The following SRPK2 variants were observed in gnomAD, a reference collection of about 807,000 sequenced individuals.
The protein encoded by SRPK2 is SFRS protein kinase 2.
Under a neutral mutation model 90.8 loss-of-function variants are expected in SRPK2, and 21 were observed. That is an observed-to-expected ratio of 0.23 (90% CI 0.16 to 0.33). The LOEUF is 0.33. Among genes scored for constraint, SRPK2 ranks in the 10% least tolerant of loss-of-function variants. SRPK2 has a pLI of 1.00. For synonymous variants in SRPK2, 288 were observed against 311.1 expected (o/e 0.93, Z 0.78); for missense variants, 620 against 869.0 (o/e 0.71, Z 3.60).
intron 2 of SRPK2, among the ~76,000 whole-genome samples, chr7:105,355,460 C>T (rs1037716807): frequency 6.6e-6 from 1 of 151,964 alleles, no homozygotes; most frequent in African/African-American, 2.4e-5. Context: ...GCCTGGGCAA[C>T]ATTACAAGAC....
At chr7:105,325,956 G>A (rs962196916) in intron 2 of SRPK2, among the ~76,000 whole-genome samples, 2 of 152,224 alleles carry the variant, frequency 1.3e-5, no homozygotes, top group African/African-American at 4.8e-5. Context: ...GGAAAAACAA[G>A]GCAATGCTGA....
intron 3 of SRPK2, among the ~76,000 whole-genome samples, chr7:105,202,324 T>C (rs1795667225): frequency 6.6e-6 from 1 of 152,246 alleles, no homozygotes; most frequent in Non-Finnish European, 1.5e-5. Context: ...CCAAAATTCA[T>C]TAATGCTTTA....
chr7:105,241,286 A>T (rs1297243317), intron 2 of SRPK2, among the ~76,000 whole-genome samples: 10 of 152,258 alleles, frequency 6.6e-5, no homozygotes, highest in African/African-American at 1.9e-4. Context: ...TATGTACATT[A>T]TTTCAGTTAA....
chr7:105,174,073 T>C (rs1370375503), intron 3 of SRPK2, among the ~76,000 whole-genome samples: 1 of 139,476 alleles, frequency 7.2e-6, no homozygotes, highest in East Asian at 2.0e-4. Flanking sequence ...AGTGAGACCC[T>C]GTCTCTAATA....
At chr7:105,267,544 C>T (rs1278054484) in intron 2 of SRPK2, among the ~76,000 whole-genome samples, 2 of 152,128 alleles carry the variant, frequency 1.3e-5, no homozygotes, top group African/African-American at 2.4e-5. Flanking sequence ...AAGTTAGAAG[C>T]CACACAAAAA....
chr7:105,198,589 C>T (rs900453457), intron 3 of SRPK2, among the ~76,000 whole-genome samples: 15 of 152,048 alleles, frequency 9.9e-5, no homozygotes, highest in East Asian at 5.8e-4. Context: ...ACATGAGACA[C>T]GGTCAGGGAG....
intron 7 of SRPK2, among the ~76,000 whole-genome samples, chr7:105,147,238 T>C (rs1360712050): frequency 6.6e-6 from 1 of 152,192 alleles, no homozygotes; most frequent in Admixed American, 6.5e-5. Context: ...AATTCATGTA[T>C]CATACAATTG....
chr7:105,322,396 G>A lies in SRPK2; in HGVS notation c.71+66252C>T, dbSNP rs60002853. ...CGTGACACGGCACTTCAGCCTGGGC[G>A]ACAGAGTGAGACTTGAATGTTGATC... On this transcript the variant is annotated intron_variant, in intron 2 of 15. Coordinates refer to ENST00000393651, the MANE Select transcript of SRPK2 (RefSeq NM_182692.3). 1.6e-4 allele frequency among the ~76,000 whole-genome samples: 24 copies of A among 152,258 alleles called. No individual in the cohort carries two copies. In the East Asian group the frequency reaches 4.0e-3, roughly 26 times the overall value.
chr7:105,312,121 G>C lies in SRPK2; in HGVS notation c.71+76527C>G, dbSNP rs140345361. The stretch of plus-strand genomic sequence containing the variant: ...AATGTACATGAACAAATAATTTCAA[G>C]ATGAAGTACTGATATATGCTACAAA... On this transcript the variant is annotated intron_variant, in intron 2 of 15. Transcript: ENST00000393651. 5.9e-5 allele frequency among the ~76,000 whole-genome samples: 9 copies of C among 152,260 alleles called. No individual in the cohort carries two copies. The East Asian group carries it at 1.7e-3, about 29-fold the overall frequency.
chr7:105,160,492 C>T lies in SRPK2; in HGVS notation c.621+15G>A, dbSNP rs4730071. Reference sequence around the variant, plus strand: ...TTAGGTACTAGGGCCTAGGGGCTGCCGTCAAAAGTCTCACCTGTCGAATGA... The same window carrying T: ...TTAGGTACTAGGGCCTAGGGGCTGCTGTCAAAAGTCTCACCTGTCGAATGA... On this transcript the variant is annotated intron_variant, in intron 7 of 15. Coordinates refer to ENST00000393651, the MANE Select transcript of SRPK2 (RefSeq NM_182692.3). The T allele has an allele frequency of 0.82, 1,270,320 of 1,542,250 alleles. 537,607 individuals carry two copies. The highest frequency in any genetic ancestry group is 0.88 in the Non-Finnish European group (981,563 of 1,115,374).
At chr7:105,391,984 T>C (rs556537825), upstream of SRPK2, among the ~76,000 whole-genome samples, 6 of 152,306 alleles carry the variant, frequency 3.9e-5, no homozygotes, top group East Asian at 1.9e-4. Flanking sequence ...GATAAACAAA[T>C]TGCGGTATAT....
At chr7:105,354,213 T>A (rs2132115590) in intron 2 of SRPK2, among the ~76,000 whole-genome samples, 1 of 152,308 alleles carries the variant, frequency 6.6e-6, no homozygotes. Context: ...CCATGTATGG[T>A]GGGACCACAG....
upstream of SRPK2, among the ~76,000 whole-genome samples, chr7:105,389,930 C>T (rs1822106547): frequency 6.6e-6 from 1 of 152,072 alleles, no homozygotes. Context: ...GAACGGGAAA[C>T]TCTGCTTGGA....
At chr7:105,310,221 A>G (rs961122275) in intron 2 of SRPK2, among the ~76,000 whole-genome samples, 1 of 152,234 alleles carries the variant, frequency 6.6e-6, no homozygotes, top group Non-Finnish European at 1.5e-5. Flanking sequence ...AGCTGAACCA[A>G]CTGAAGTTCA....
intron 2 of SRPK2, among the ~76,000 whole-genome samples, chr7:105,355,035 T>C (rs1585856019): frequency 6.6e-6 from 1 of 152,346 alleles, no homozygotes; most frequent in South Asian, 2.1e-4. Context: ...TCCAGTATAA[T>C]GTTTTCAAGA....
chr7:105,379,347 G>A (rs1043277695), intron 2 of SRPK2, among the ~76,000 whole-genome samples: 3 of 152,038 alleles, frequency 2.0e-5, no homozygotes, highest in Admixed American at 1.3e-4. Context: ...GTAATCCAGA[G>A]ATAATTTAAA....
intron 8 of SRPK2, among the ~76,000 whole-genome samples, chr7:105,145,885 G>C (rs972331542): frequency 6.6e-6 from 1 of 152,106 alleles, no homozygotes; most frequent in Admixed American, 6.6e-5. Flanking sequence ...GCAGTCCCAG[G>C]AGCCTCAGCC....
chr7:105,314,438 G>A (rs920121607), intron 2 of SRPK2, among the ~76,000 whole-genome samples: 1 of 152,168 alleles, frequency 6.6e-6, no homozygotes, highest in South Asian at 2.1e-4. Context: ...CCAGGCTGGA[G>A]TGCAGTGGCA....
At chr7:105,124,922 A>C (rs1800951760) in intron 15 of SRPK2, among the ~76,000 whole-genome samples, 1 of 151,912 alleles carries the variant, frequency 6.6e-6, no homozygotes, top group Admixed American at 6.6e-5. Flanking sequence ...ACTTGAGGTC[A>C]GGAGTTTGAG....
Sources: gnomAD v4.1 joint callset for allele counts (sites outside exome capture counted in the v4.1 genomes callset) on GRCh38, gnomAD v4.1.1 for gene constraint, MANE v1.5 for transcripts, NCBI Gene and HGNC (gene_info 2026-07-23, HGNC 2026-07-21) for gene names.